TRPM4: variants seen among roughly 807,000 people sequenced by gnomAD.
The protein encoded by TRPM4 is calcium-activated non-selective cation channel 1.
A neutral mutation model predicts 135.6 loss-of-function variants in TRPM4; 124 were observed. That is an observed-to-expected ratio of 0.91 (90% CI 0.79 to 1.06). The LOEUF is 1.06. Ranked by LOEUF, TRPM4 falls within the 50% of genes least tolerant of loss-of-function variation. The pLI is 0.00. For missense variants in TRPM4, 1,658 were observed against 1,671.4 expected (o/e 0.99, Z 0.14); for synonymous variants, 745 against 705.6 (o/e 1.06, Z -0.88).
chr19:49,208,348 C>T (rs1314336341), intron 20 of TRPM4, among the ~76,000 whole-genome samples: 1 of 151,798 alleles, frequency 6.6e-6, no homozygotes, highest in African/African-American at 2.4e-5. Flanking sequence ...AGGGAGACTC[C>T]CTTTCCCGGT....
intron 2 of TRPM4, among the ~76,000 whole-genome samples, chr19:49,163,974 GC>G (rs1007367953): frequency 2.4e-4 from 36 of 152,228 alleles, no homozygotes; most frequent in African/African-American, 8.7e-4. Flanking sequence ...TTCTCACTGT[GC>G]CAGGACCTGG....
At chr19:49,170,378 G>A (rs1057130813) in intron 6 of TRPM4, among the ~76,000 whole-genome samples, 3 of 151,902 alleles carry the variant, frequency 2.0e-5, no homozygotes, top group Admixed American at 6.6e-5. Context: ...TGGTAGAGAC[G>A]GGGTTTCACC....
chr19:49,163,636 C>T (rs1231927596), intron 2 of TRPM4, among the ~76,000 whole-genome samples: 1 of 152,136 alleles, frequency 6.6e-6, no homozygotes, highest in African/African-American at 2.4e-5. Flanking sequence ...GAACCACAGG[C>T]GTGCACCACC....
chr19:49,158,121 C>G (rs1002271256), intron 1 of TRPM4, 71 bp from the exon 2 acceptor site: 2 of 1,486,452 alleles, frequency 1.3e-6, no homozygotes, highest in African/African-American at 2.8e-5. Flanking sequence ...GTGGGTGGCT[C>G]TGTGTCCCAT....
intron 17 of TRPM4, among the ~76,000 whole-genome samples, chr19:49,197,302 CTTTCTTTTTCTTTCTT>C (rs1568485662): frequency 3.3e-5 from 4 of 122,832 alleles, no homozygotes; most frequent in Non-Finnish European, 6.5e-5. Flanking sequence ...CTTTCTCTTT[CTTTCTTTTTCTTTCTT>C]TCTTTCTTTC....
chr19:49,184,603 C>T (rs575005245), intron 12 of TRPM4, among the ~76,000 whole-genome samples: 41 of 151,754 alleles, frequency 2.7e-4, no homozygotes, highest in African/African-American at 9.7e-4. Context: ...CCTCAGCCTC[C>T]CAAGTAGCTG....
At chr19:49,203,397 T>C (rs975881325) in intron 20 of TRPM4, among the ~76,000 whole-genome samples, 4 of 151,946 alleles carry the variant, frequency 2.6e-5, no homozygotes, top group Admixed American at 6.6e-5. Flanking sequence ...GCCAGGATGG[T>C]TTCGATCTCC....
At chr19:49,183,354 A>G in intron 12 of TRPM4, 142 bp downstream of exon 12, 1 of 946,234 alleles carries the variant, frequency 1.1e-6, no homozygotes, top group Non-Finnish European at 1.6e-6. Context: ...ATATGCCTCC[A>G]ACTGCTTCCT....
intron 20 of TRPM4, among the ~76,000 whole-genome samples, chr19:49,206,188 C>G (rs984852087): frequency 1.4e-4 from 22 of 151,830 alleles, no homozygotes; most frequent in Non-Finnish European, 3.1e-4. Context: ...GTCTTGAACT[C>G]CTGACCTCAG....
At chr19:49,175,332 C>A (rs565232456) in intron 9 of TRPM4, among the ~76,000 whole-genome samples, 25 of 152,284 alleles carry the variant, frequency 1.6e-4, no homozygotes, top group African/African-American at 6.0e-4. Context: ...GCCTCGGCCT[C>A]CCAAAGTGCT....
intron 9 of TRPM4, among the ~76,000 whole-genome samples, chr19:49,179,225 T>C (rs2122895503): frequency 6.6e-6 from 1 of 150,556 alleles, no homozygotes. Context: ...CCAGCTAATT[T>C]TGTATTTTTA....
At position 49,211,665 on chromosome 19, in the gene TRPM4, CCACAG is replaced by C; in HGVS notation, c.*170_*174del. On this transcript the variant is annotated 3_prime_UTR_variant, in exon 25 of 25. Transcript: ENST00000252826. This position sits in a 1 kb window ranked among gnomAD's most constrained non-coding sequence, Gnocchi z 4.8. Reference sequence around the variant, plus strand: ...CCTTTGGGAGTGTCATCCTTACAAACCACAGCATGCCCGGCTCCTCCCAGAACCAG... The same window carrying C: ...CCTTTGGGAGTGTCATCCTTACAAACCATGCCCGGCTCCTCCCAGAACCAG... 1.2e-6 allele frequency: 1 copy of C among 859,758 alleles called. No individual in the cohort carries two copies. The highest frequency in any genetic ancestry group is 1.9e-6 in the Non-Finnish European group (1 of 517,164). 53.3% of individuals were successfully genotyped at this position (859,758 alleles called of 1,614,324 possible). A position where few individuals can be genotyped will look rare whatever the true frequency, so the allele number is the denominator to read the frequency against.
At position 49,211,827 on chromosome 19, in the gene TRPM4, T is replaced by G; in HGVS notation, c.*329T>G. Reference sequence around the variant, plus strand: ...CCTCACACTGGGGAAATAAAGCCATTTCAGAGGAATCGTGTCCGGAGGCTT... The same window carrying G: ...CCTCACACTGGGGAAATAAAGCCATGTCAGAGGAATCGTGTCCGGAGGCTT... On this transcript the variant is annotated 3_prime_UTR_variant, in exon 25 of 25. Transcript: ENST00000252826. The surrounding 1 kb of genome is among the most constrained non-coding windows in gnomAD (Gnocchi z 4.8). 2.3e-6 allele frequency: 1 copy of G among 441,286 alleles called. No homozygotes were observed. The highest frequency in any genetic ancestry group is 2.0e-5 in the African/African-American group (1 of 50,892). 27.3% of individuals were successfully genotyped at this position (441,286 alleles called of 1,614,324 possible).
intron 2 of TRPM4, 24 bp from the exon 3 acceptor site, chr19:49,166,017 C>T (rs1967157867): frequency 5.1e-6 from 8 of 1,570,430 alleles, no homozygotes; most frequent in Non-Finnish European, 6.9e-6. Context: ...GCCCTGGGTT[C>T]ACGCTCCGCC....
chr19:49,174,831 G>A (rs923329522), intron 9 of TRPM4, among the ~76,000 whole-genome samples: 2 of 151,374 alleles, frequency 1.3e-5, no homozygotes, highest in Non-Finnish European at 2.9e-5. Context: ...AAGCTAACGA[G>A]TGGGACAGAT....
Position 49,166,195 on chromosome 19 carries a change from GC to G in TRPM4, c.249del (p.Gly84AlafsTer194), listed in dbSNP as rs764862551. On this transcript the variant is annotated frameshift_variant, in exon 3 of 25. Coordinates refer to ENST00000252826, the MANE Select transcript of TRPM4 (RefSeq NM_017636.4). LOFTEE classifies it high-confidence loss of function. The stretch of plus-strand genomic sequence containing the variant: ...CTACGGAGAGCTGGACTTCACGGGG[GC>G]CGGCCGCAAGCACAGCAATGTGAGG... ...DAYGELDFTGAGRKHSNFLRL... is the reference protein window; with the variant it reads ...DAYGELDFTGXGRKHSNFLRL... The G allele has an allele frequency of 1.2e-6, 2 of 1,606,676 alleles. No individual in the cohort carries two copies. The highest frequency in any genetic ancestry group is 1.7e-6 in the Non-Finnish European group (2 of 1,177,554).
intron 6 of TRPM4, among the ~76,000 whole-genome samples, chr19:49,170,919 C>T (rs951381541): frequency 1.3e-5 from 2 of 151,358 alleles, no homozygotes; most frequent in African/African-American, 4.9e-5. Flanking sequence ...CCTGTCTCTA[C>T]CAAAAATTAA....
At position 49,182,468 on chromosome 19, in the gene TRPM4, CCATCCATCCATCCAT is replaced by C. The variant is rs1968012987; in HGVS notation, c.1264-108_1264-94del. 1.0e-5 allele frequency: 7 copies of C among 690,230 alleles called. No individual in the cohort carries two copies. The Admixed American group carries it at 1.1e-4, about 11-fold the overall frequency. The allele number at this position is 690,230 out of a possible 1,614,324, so 42.8% of individuals were successfully genotyped here. A position where few individuals can be genotyped will look rare whatever the true frequency, so the allele number is the denominator to read the frequency against. On this transcript the variant is annotated intron_variant, in intron 10 of 24. Coordinates refer to ENST00000252826, the MANE Select transcript of TRPM4 (RefSeq NM_017636.4). ...TCCATCCACCCATCCATCCATCCAT[CCATCCATCCATCCAT>C]CCATCCATCCATCCATCCGTCCCTC...
chr19:49,173,651 G>T (rs1238434691), intron 9 of TRPM4, among the ~76,000 whole-genome samples: 3 of 152,036 alleles, frequency 2.0e-5, no homozygotes, highest in Admixed American at 6.6e-5. Context: ...GGCTGGGGAG[G>T]GTCTTATTTA....
Sources: allele counts gnomAD v4.1 joint callset (sites outside exome capture counted in the v4.1 genomes callset), GRCh38; gene constraint gnomAD v4.1.1; non-coding constraint Gnocchi (gnomAD v3.1); transcripts MANE v1.5; gene names NCBI Gene and HGNC (gene_info 2026-07-23, HGNC 2026-07-21).